Variants in GLS observed in about 807,000 individuals in gnomAD.
GLS encodes glutaminase kidney isoform, mitochondrial.
A neutral mutation model predicts 86.7 loss-of-function variants in GLS; 36 were observed. That is an observed-to-expected ratio of 0.42 (90% confidence interval 0.32 to 0.55). The LOEUF (loss-of-function observed/expected upper bound fraction) is 0.55. GLS is among the 20% of genes least tolerant of loss of function. GLS has a pLI of 0.17. For missense variants in GLS, 528 were observed against 833.4 expected (o/e 0.63, Z 4.51); for synonymous variants, 317 against 305.9 (o/e 1.04, Z -0.38).
In GLS at chr2:190,910,278, C is replaced by A; in HGVS notation, c.995C>A (p.Pro332His). 2 of 1,545,006 alleles carry A rather than the reference C, an allele frequency of 1.3e-6. No homozygotes were observed. The highest frequency in any genetic ancestry group is 1.8e-6 in the Non-Finnish European group (2 of 1,124,162). Residue 332 changes from proline to histidine, a missense_variant, in exon 7 of 18, where the codon CCT (proline) becomes CAT (histidine). Transcript: ENST00000320717. ...FLNEDDKPHNPMVNAGAIVVT... is the reference protein window; with the variant it reads ...FLNEDDKPHNHMVNAGAIVVT... ...TATTTTACAGATAAACCACATAATC[C>A]TATGGTAAATGCTGGAGCAATTGTT...
chr2:190,959,297 A>C (rs1278541552), intron 17 of GLS, among the ~76,000 whole-genome samples: 1 of 89,330 alleles, frequency 1.1e-5, no homozygotes, highest in African/African-American at 4.4e-5. Flanking sequence ...CTATCCTTTT[A>C]TTTTGAGCCT....
chr2:190,922,476 T>C (rs1689770011), intron 9 of GLS, among the ~76,000 whole-genome samples: 1 of 152,132 alleles, frequency 6.6e-6, no homozygotes, highest in Non-Finnish European at 1.5e-5. Flanking sequence ...TCTGTGCTCT[T>C]CTGTTACCAT....
intron 14 of GLS, among the ~76,000 whole-genome samples, chr2:190,952,491 T>A (rs972684811): frequency 5.3e-5 from 8 of 152,120 alleles, no homozygotes; most frequent in Non-Finnish European, 1.0e-4. Context: ...ACTTTGAAAA[T>A]GATGAATTAG....
At position 190,904,963 on chromosome 2, in the gene GLS, TC is replaced by T. The variant is rs750534445; in HGVS notation, c.816-38del. ...TTCCAACTATGCAGTTACATTTTTT[TC>T]CCAGTTGATGTTATTTTTTAAAAAT... On this transcript the variant is annotated intron_variant, in intron 5 of 17. Coordinates refer to ENST00000320717, the MANE Select transcript of GLS (RefSeq NM_014905.5). 12 of 1,132,722 alleles carry T rather than the reference TC, an allele frequency of 1.1e-5. No homozygotes were observed. In the Admixed American group the frequency reaches 1.5e-4, roughly 15 times the overall value. 70.2% of individuals were successfully genotyped at this position (1,132,722 alleles called of 1,614,324 possible).
chr2:190,901,983 C>T lies in GLS; in HGVS notation c.772C>T (p.Pro258Ser). The stretch of plus-strand genomic sequence containing the variant: ...TATTCCTCAACTGGCCAAATTCAGT[C>T]CCGATTTGTGGGGTGTGTCTGTTTG... ...DYIPQLAKFS[P>S]DLWGVSVCTV... The change falls in exon 5 of 18, where the codon CCC becomes TCC. Residue 258 changes from proline (P) to serine (S), a missense_variant. Pro to Ser is a moderately conservative substitution (Grantham distance 74, BLOSUM62 -1). Around this residue, in one of 4 missense-constraint regions of GLS, gnomAD observed 111 missense variants for 179.5 expected, o/e 0.62. Transcript: ENST00000320717. 6.2e-7 allele frequency: 1 copy of T among 1,611,924 alleles called. No individual in the cohort carries two copies. Among genetic ancestry groups the T allele is most frequent in the Non-Finnish European group, 8.5e-7 (1 of 1,178,182 alleles).
rs545184536 is a variant in GLS, at chr2:190,965,123, G to A, written c.*2137G>A. On this transcript the variant is annotated 3_prime_UTR_variant, in exon 18 of 18. Transcript: ENST00000320717. This position sits in a 1 kb window ranked among gnomAD's most constrained non-coding sequence, Gnocchi z 5.0. Reference sequence around the variant, plus strand: ...GTTGACTGTGCTATTAACTGCTGCCGTCAGTAAACTCCAAAGATCTTTTTG... The same window carrying A: ...GTTGACTGTGCTATTAACTGCTGCCATCAGTAAACTCCAAAGATCTTTTTG... 3.9e-5 allele frequency: 6 copies of A among 152,484 alleles called. No homozygotes were observed. Among genetic ancestry groups the A allele is most frequent in the East Asian group, 1.9e-4 (1 of 5,190 alleles). The allele number at this position is 152,484 out of a possible 1,614,324, so 9.4% of individuals were successfully genotyped here. A position where few individuals can be genotyped will look rare whatever the true frequency, so the allele number is the denominator to read the frequency against.
chr2:190,921,248 G>A lies in GLS; in HGVS notation c.1130+45G>A, dbSNP rs767329016. On this transcript the variant is annotated intron_variant, in intron 9 of 17. Transcript: ENST00000320717. This position sits in a 1 kb window ranked among gnomAD's most constrained non-coding sequence, Gnocchi z 4.2. Reference sequence around the variant, plus strand: ...TTTTGTTACGTAAAAACACACAACTGTATTTAGAATTGATCCACTCTCTTT... The same window carrying A: ...TTTTGTTACGTAAAAACACACAACTATATTTAGAATTGATCCACTCTCTTT... 1.1e-5 allele frequency: 13 copies of A among 1,225,820 alleles called. No homozygotes were observed. The highest frequency in any genetic ancestry group is 1.0e-4 in the African/African-American group (7 of 67,394). The allele number at this position is 1,225,820 out of a possible 1,614,324, so 75.9% of individuals were successfully genotyped here. A position where few individuals can be genotyped will look rare whatever the true frequency, so the allele number is the denominator to read the frequency against.
rs191143329 is a variant in GLS, at chr2:190,942,583, T to C, written c.1650+10946T>C. Among the ~76,000 whole-genome samples, 882 of 152,212 alleles carry C rather than the reference T, an allele frequency of 5.8e-3. 14 individuals carry two copies. The highest frequency in any genetic ancestry group is 0.019 in the African/African-American group (779 of 41,526). Reference sequence around the variant, plus strand: ...GCACTTGGTGATCGTTTTTGGTGGGTGAAAAGGAATGCGATATCAAGCTGA... The same window carrying C: ...GCACTTGGTGATCGTTTTTGGTGGGCGAAAAGGAATGCGATATCAAGCTGA... On this transcript the variant is annotated intron_variant, in intron 14 of 17. Coordinates refer to ENST00000320717, the MANE Select transcript of GLS (RefSeq NM_014905.5).
Position 190,949,346 on chromosome 2 carries a change from A to T in GLS, c.1651-4219A>T, listed in dbSNP as rs1342054788. On this transcript the variant is annotated intron_variant, in intron 14 of 17. Transcript: ENST00000320717. The surrounding 1 kb of genome is among the most constrained non-coding windows in gnomAD (Gnocchi z 4.0). ...AGGGTGGAAGAAGGACCAGAAGCAGAGGCATCAGTTAATGATTGAATAAAT... is the reference window on the plus strand; with the variant it reads ...AGGGTGGAAGAAGGACCAGAAGCAGTGGCATCAGTTAATGATTGAATAAAT... Among the ~76,000 whole-genome samples, 1 of 152,160 alleles carries T rather than the reference A, an allele frequency of 6.6e-6. No homozygotes were observed. Among genetic ancestry groups the T allele is most frequent in the Non-Finnish European group, 1.5e-5 (1 of 68,024 alleles).
chr2:190,954,097 C>T lies in GLS; in HGVS notation c.1712+471C>T, dbSNP rs59997526. On this transcript the variant is annotated intron_variant, in intron 15 of 17. Transcript: ENST00000320717. The surrounding 1 kb of genome is among the most constrained non-coding windows in gnomAD (Gnocchi z 4.0). ...TTTGTGTAGAGTTGTAACTTATTTT[C>T]TTTTTTTTTTCTCCCATTAATACCT... Among the ~76,000 whole-genome samples the T allele has an allele frequency of 6.8e-6, 1 of 147,046 alleles. No homozygotes were observed. Among genetic ancestry groups the T allele is most frequent in the South Asian group, 2.2e-4 (1 of 4,646 alleles).
At position 190,913,553 on chromosome 2, in the gene GLS, A is replaced by G. The variant is rs1387606043; in HGVS notation, c.1038+3232A>G. On this transcript the variant is annotated intron_variant, in intron 7 of 17. Transcript: ENST00000320717. The surrounding 1 kb of genome is among the most constrained non-coding windows in gnomAD (Gnocchi z 6.1). Reference sequence around the variant, plus strand: ...GTGATTGCTTGATTAAAAGGAAAGAACAAAAATAAATTTGAAAGGAACAGT... The same window carrying G: ...GTGATTGCTTGATTAAAAGGAAAGAGCAAAAATAAATTTGAAAGGAACAGT... The G allele has an allele frequency of 1.0e-6, 1 of 964,280 alleles. No homozygotes were observed. 59.7% of individuals were successfully genotyped at this position (964,280 alleles called of 1,614,324 possible).
At chr2:190,961,565 G>A (rs1368049752) in intron 17 of GLS, among the ~76,000 whole-genome samples, 2 of 152,096 alleles carry the variant, frequency 1.3e-5, no homozygotes, top group African/African-American at 4.8e-5. Context: ...GTAACACGCA[G>A]TTGACATTCC....
intron 11 of GLS, among the ~76,000 whole-genome samples, chr2:190,925,842 C>T (rs183467750): frequency 6.6e-6 from 1 of 152,124 alleles, no homozygotes; most frequent in African/African-American, 2.4e-5. Flanking sequence ...TTACTGATCC[C>T]TAGTTTCCTT....
At chr2:190,891,401 A>G (rs1372822735) in intron 1 of GLS, among the ~76,000 whole-genome samples, 1 of 152,040 alleles carries the variant, frequency 6.6e-6, no homozygotes, top group African/African-American at 2.4e-5. Flanking sequence ...CTGTGAAACA[A>G]TTGAAATGAT....
Position 190,905,808 on chromosome 2 carries a change from C to CT in GLS, c.979+642dup, listed in dbSNP as rs1689113707. Among the ~76,000 whole-genome samples the CT allele has an allele frequency of 6.6e-6, 1 of 152,056 alleles. No individual in the cohort carries two copies. The highest frequency in any genetic ancestry group is 2.4e-5 in the African/African-American group (1 of 41,410). Reference sequence around the variant, plus strand: ...TTAGCTGAGTGCAAACTAAGTTAAACTAGTCCCATGGTTTGGTTTCTGTTT... The same window carrying CT: ...TTAGCTGAGTGCAAACTAAGTTAAACTTAGTCCCATGGTTTGGTTTCTGTTT... On this transcript the variant is annotated intron_variant, in intron 6 of 17. Transcript: ENST00000320717. The surrounding 1 kb of genome is among the most constrained non-coding windows in gnomAD (Gnocchi z 4.6).
Position 190,949,880 on chromosome 2 carries a change from C to T in GLS, c.1651-3685C>T, listed in dbSNP as rs908541005. Among the ~76,000 whole-genome samples, 1 of 151,428 alleles carries T rather than the reference C, an allele frequency of 6.6e-6. No homozygotes were observed. The highest frequency in any genetic ancestry group is 2.1e-4 in the South Asian group (1 of 4,808). On this transcript the variant is annotated intron_variant, in intron 14 of 17. Coordinates refer to ENST00000320717, the MANE Select transcript of GLS (RefSeq NM_014905.5). This position sits in a 1 kb window ranked among gnomAD's most constrained non-coding sequence, Gnocchi z 4.0. The stretch of plus-strand genomic sequence containing the variant: ...CAGAAAGACAAGTGGTCTCTGCCCA[C>T]ATGGAGCCTATATTTAATGAGAGAG...
chr2:190,920,312 TTGC>T lies in GLS; in HGVS notation c.1039-711_1039-709del. On this transcript the variant is annotated intron_variant, in intron 7 of 17. Coordinates refer to ENST00000320717, the MANE Select transcript of GLS (RefSeq NM_014905.5). This position sits in a 1 kb window ranked among gnomAD's most constrained non-coding sequence, Gnocchi z 4.2. ...TTACATAGATTTTTCCTATTGACAT[TTGC>T]AGTAGATAACATGTCAGAAATGAAA... is the stretch of plus-strand genomic sequence containing the variant. 6.6e-6 allele frequency: 1 copy of T among 151,914 alleles called. No individual in the cohort carries two copies. The highest frequency in any genetic ancestry group is 1.5e-5 in the Non-Finnish European group (1 of 67,790). The allele number at this position is 151,914 out of a possible 1,614,324, so 9.4% of individuals were successfully genotyped here.
In GLS at chr2:190,895,283, AAAT is replaced by A. The variant is rs758669938; in HGVS notation, c.483+36_483+38del. 11 of 833,802 alleles carry A rather than the reference AAAT, an allele frequency of 1.3e-5. No homozygotes were observed. Among genetic ancestry groups the A allele is most frequent in the Admixed American group, 1.3e-4 (7 of 53,592 alleles). The allele number at this position is 833,802 out of a possible 1,614,324, so 51.7% of individuals were successfully genotyped here. ...TATATTTTTCTATCTTAACTTAAAAAAATCAATAATAATAAATATATACAGTAT... is the reference window on the plus strand; with the variant it reads ...TATATTTTTCTATCTTAACTTAAAAACAATAATAATAAATATATACAGTAT... On this transcript the variant is annotated intron_variant, in intron 2 of 17. Transcript: ENST00000320717. The surrounding 1 kb of genome is among the most constrained non-coding windows in gnomAD (Gnocchi z 4.2).
rs1690824254 is a variant in GLS at position 190,955,033 on chromosome 2, T to C, written c.1853+215T>C. On this transcript the variant is annotated intron_variant, in intron 17 of 17. Coordinates refer to ENST00000320717, the MANE Select transcript of GLS (RefSeq NM_014905.5). This position sits in a 1 kb window ranked among gnomAD's most constrained non-coding sequence, Gnocchi z 5.6. ...GGTGTCTTATTTAGAAATTTTCAGG[T>C]TGATTTGACCATTAGTCAATACACT... Among the ~76,000 whole-genome samples the C allele has an allele frequency of 1.3e-5, 2 of 152,168 alleles. No individual in the cohort carries two copies. The highest frequency in any genetic ancestry group is 2.9e-5 in the Non-Finnish European group (2 of 68,024).
Sources: gnomAD v4.1 joint callset for allele counts (sites outside exome capture counted in the v4.1 genomes callset) on GRCh38, gnomAD v4.1.1 for gene constraint, gnomAD v4.1.1 regional missense constraint, Gnocchi (gnomAD v3.1) non-coding constraint, MANE v1.5 for transcripts, NCBI Gene and HGNC (gene_info 2026-07-23, HGNC 2026-07-21) for gene names.